Variants in WWOX observed in about 807,000 individuals in gnomAD.
WWOX encodes WW domain-containing oxidoreductase.
WWOX carries 69 observed loss-of-function variants against 46.2 expected under a neutral mutation model. The observed-to-expected ratio is 1.49, with a 90% confidence interval of 1.23 to 1.82. WWOX has a LOEUF of 1.82. Ranked by LOEUF, WWOX falls within the 40% of genes most tolerant of loss-of-function variation. The pLI is 0.00. For missense variants in WWOX, 919 were observed against 542.6 expected (o/e 1.69, Z -6.89); for synonymous variants, 359 against 202.6 (o/e 1.77, Z -6.56).
Position 78,632,189 on chromosome 16 carries a change from A to G in WWOX, c.1056+199437A>G, listed in dbSNP as rs1466710105. ...TCTCTCATATTAAGTGACAAGTTGC[A>G]GAATGCCCCTGTCTTTCTGAGCTGT... is the stretch of plus-strand genomic sequence containing the variant. On this transcript the variant is annotated intron_variant, in intron 8 of 8. Coordinates refer to ENST00000566780, the MANE Select transcript of WWOX (RefSeq NM_016373.4). Among the ~76,000 whole-genome samples, 7 of 152,322 alleles carry G rather than the reference A, an allele frequency of 4.6e-5. No homozygotes were observed. The East Asian group carries it at 9.6e-4, about 21-fold the overall frequency.
At position 79,186,641 on chromosome 16, in the gene WWOX, T is replaced by G. The variant is rs148082747; in HGVS notation, c.1057-24967T>G. Reference sequence around the variant, plus strand: ...CAATGGCGGTTGGGACTTGAACATATATTCTTCGGGACATGATTCAACCTA... The same window carrying G: ...CAATGGCGGTTGGGACTTGAACATAGATTCTTCGGGACATGATTCAACCTA... On this transcript the variant is annotated intron_variant, in intron 8 of 8. Coordinates refer to ENST00000566780, the MANE Select transcript of WWOX (RefSeq NM_016373.4). Among the ~76,000 whole-genome samples the G allele has an allele frequency of 3.5e-3, 527 of 152,264 alleles. 1 individual carries two copies. Among genetic ancestry groups the G allele is most frequent in the Middle Eastern group, 6.8e-3 (2 of 294 alleles).
chr16:78,750,652 C>G (rs565256093), intron 8 of WWOX, among the ~76,000 whole-genome samples: 2 of 152,000 alleles, frequency 1.3e-5, no homozygotes, highest in African/African-American at 4.8e-5. Context: ...TCCCTAGTCC[C>G]CCCTTTTGAA....
intron 8 of WWOX, among the ~76,000 whole-genome samples, chr16:79,190,758 G>T (rs190224516): frequency 9.2e-5 from 14 of 152,316 alleles, no homozygotes; most frequent in Non-Finnish European, 1.6e-4. Context: ...AACACAGCCA[G>T]GTGCATTTGT....
At chr16:78,426,593 G>C (rs2151961149) in intron 7 of WWOX, among the ~76,000 whole-genome samples, 1 of 152,270 alleles carries the variant, frequency 6.6e-6, no homozygotes, top group East Asian at 1.9e-4. Context: ...TGTGTTGTCA[G>C]GCTTGCTCCT....
At chr16:79,046,066 T>G (rs983813507) in intron 8 of WWOX, among the ~76,000 whole-genome samples, 5 of 152,140 alleles carry the variant, frequency 3.3e-5, no homozygotes, top group Non-Finnish European at 7.4e-5. Flanking sequence ...CCTCCCAAAG[T>G]GCTAGAATTA....
At chr16:78,970,185 G>T (rs2046442900) in intron 8 of WWOX, among the ~76,000 whole-genome samples, 1 of 152,126 alleles carries the variant, frequency 6.6e-6, no homozygotes, top group Non-Finnish European at 1.5e-5. Flanking sequence ...TCCTCCTGCT[G>T]TTAATGCCCC....
In WWOX at chr16:78,690,476, C is replaced by T. The variant is rs1334151128; in HGVS notation, c.1056+257724C>T. 2.0e-5 allele frequency among the ~76,000 whole-genome samples: 3 copies of T among 152,110 alleles called. No individual in the cohort carries two copies. In the South Asian group the frequency reaches 6.2e-4, roughly 32 times the overall value. ...CTGAGATGGGAGGATTGCTTGGGCC[C>T]TGGACGTCAAGGCTGCAGTGGGCCA... is the stretch of plus-strand genomic sequence containing the variant. On this transcript the variant is annotated intron_variant, in intron 8 of 8. Coordinates refer to ENST00000566780, the MANE Select transcript of WWOX (RefSeq NM_016373.4).
chr16:79,107,076 G>T (rs2150646072), intron 8 of WWOX, among the ~76,000 whole-genome samples: 1 of 152,230 alleles, frequency 6.6e-6, no homozygotes. Context: ...CTCCCAAAGT[G>T]CTGGGATTAC....
chr16:78,756,811 C>G (rs2049660571), intron 8 of WWOX: 1 of 565,336 alleles, frequency 1.8e-6, no homozygotes, highest in Middle Eastern at 2.8e-4. Flanking sequence ...GCATAGTCTT[C>G]TCGGACACCT....
chr16:78,344,011 T>A (rs2151901715), intron 5 of WWOX, among the ~76,000 whole-genome samples: 1 of 119,334 alleles, frequency 8.4e-6, no homozygotes, highest in Non-Finnish European at 2.0e-5. Flanking sequence ...GGCTCCTTCC[T>A]CCCACATCAC....
intron 5 of WWOX, among the ~76,000 whole-genome samples, chr16:78,350,345 A>T (rs2081162107): frequency 8.2e-6 from 1 of 121,662 alleles, no homozygotes; most frequent in African/African-American, 2.8e-5. Context: ...CAGTGCTTTC[A>T]GTATATTCAG....
chr16:78,887,007 T>C (rs1023822775), intron 8 of WWOX, among the ~76,000 whole-genome samples: 1 of 151,904 alleles, frequency 6.6e-6, no homozygotes, highest in Non-Finnish European at 1.5e-5. Context: ...AGTTTTCATA[T>C]TGTCAGTCTC....
At chr16:78,665,721 G>T (rs1158883026) in intron 8 of WWOX, among the ~76,000 whole-genome samples, 1 of 152,110 alleles carries the variant, frequency 6.6e-6, no homozygotes, top group Non-Finnish European at 1.5e-5. Flanking sequence ...TACTTGCTCT[G>T]TCGCCCAGGC....
rs1160123619 is a variant in WWOX, at chr16:78,393,459, G to C, written c.605+6511G>C. Among the ~76,000 whole-genome samples the C allele has an allele frequency of 2.6e-5, 4 of 152,132 alleles. No homozygotes were observed. In the South Asian group the frequency reaches 8.3e-4, roughly 32 times the overall value. On this transcript the variant is annotated intron_variant, in intron 6 of 8. Coordinates refer to ENST00000566780, the MANE Select transcript of WWOX (RefSeq NM_016373.4). ...GGATTGCTTAAGCCCAGAAACGTGA[G>C]ACCAGCCTGGGCAACGTAGTGAGAC...
At chr16:78,430,131 A>G (rs2083181056) in intron 7 of WWOX, among the ~76,000 whole-genome samples, 2 of 152,196 alleles carry the variant, frequency 1.3e-5, no homozygotes, top group South Asian at 4.1e-4. Context: ...AGGAAGGGCA[A>G]AGGGATGTCT....
chr16:79,114,040 G>T (rs983958327), intron 8 of WWOX, among the ~76,000 whole-genome samples: 12 of 152,136 alleles, frequency 7.9e-5, no homozygotes, highest in African/African-American at 2.9e-4. Flanking sequence ...CCAGGTGCTG[G>T]CCTAAGGCCT....
At chr16:79,172,729 C>G (rs536050898) in intron 8 of WWOX, among the ~76,000 whole-genome samples, 2 of 152,112 alleles carry the variant, frequency 1.3e-5, no homozygotes, top group Non-Finnish European at 2.9e-5. Flanking sequence ...AAAATTGTAA[C>G]CTAAATGCCT....
chr16:79,011,495 AT>A (rs1248005125), intron 8 of WWOX, among the ~76,000 whole-genome samples: 2 of 140,750 alleles, frequency 1.4e-5, no homozygotes, highest in Admixed American at 1.4e-4. Context: ...TTATTTATTT[AT>A]TTATTTATTT....
At chr16:78,402,499 T>G (rs1397226642) in intron 6 of WWOX, among the ~76,000 whole-genome samples, 1 of 152,134 alleles carries the variant, frequency 6.6e-6, no homozygotes, top group Non-Finnish European at 1.5e-5. Flanking sequence ...GTAAACATGT[T>G]GGAAAGTAGG....
Sources: allele counts gnomAD v4.1 joint callset (sites outside exome capture counted in the v4.1 genomes callset), GRCh38; gene constraint gnomAD v4.1.1; transcripts MANE v1.5; gene names NCBI Gene and HGNC (gene_info 2026-07-23, HGNC 2026-07-21).